The following FOXP2 variants were observed in gnomAD, a reference collection of about 807,000 sequenced individuals.
FOXP2 encodes forkhead box P2, also known as forkhead box protein P2.
In FOXP2, 12 loss-of-function variants were observed where a neutral mutation model predicts 115.8. That is an observed-to-expected ratio of 0.10 (90% confidence interval 0.07 to 0.17). FOXP2 has a LOEUF of 0.17. FOXP2 is among the 10% of genes least tolerant of loss of function. The pLI is 1.00. For missense variants in FOXP2, 629 were observed against 843.5 expected, an observed-to-expected ratio of 0.75 and a Z score of 3.15; for synonymous variants, 328 against 297.7, an observed-to-expected ratio of 1.10 and a Z score of -1.05.
intron 1 of FOXP2, among the ~76,000 whole-genome samples, chr7:114,099,217 C>T (rs1163978779): frequency 1.3e-5 from 2 of 152,010 alleles, no homozygotes; most frequent in East Asian, 1.9e-4. Flanking sequence ...TAACAAGACC[C>T]GAATAGACAT....
At chr7:114,453,423 G>A in intron 2 of FOXP2, among the ~76,000 whole-genome samples, 1 of 151,878 alleles carries the variant, frequency 6.6e-6, no homozygotes, top group South Asian at 2.1e-4. Flanking sequence ...GTACATTGTA[G>A]GTGTTTCCAT....
chr7:114,452,281 C>T (rs1201257975), intron 2 of FOXP2, among the ~76,000 whole-genome samples: 1 of 151,850 alleles, frequency 6.6e-6, no homozygotes, highest in African/African-American at 2.4e-5. Context: ...GACAGTGAGC[C>T]ACTGGTTCAA....
At chr7:114,475,962 A>G (rs945400956) in intron 2 of FOXP2, among the ~76,000 whole-genome samples, 4 of 151,982 alleles carry the variant, frequency 2.6e-5, no homozygotes, top group Admixed American at 6.6e-5. Context: ...AAACATATAC[A>G]TGTACCCCCT....
In FOXP2 at chr7:114,350,830, G is replaced by A. The variant is rs183045236; in HGVS notation, c.-11+62721G>A. Among the ~76,000 whole-genome samples, 7 of 151,882 alleles carry A rather than the reference G, an allele frequency of 4.6e-5. No homozygotes were observed. The East Asian group carries it at 1.4e-3, about 29-fold the overall frequency. ...ACAATTGACCTTCAGTATCCATGGG[G>A]GCTTAGTTCAAAGACTCCCTCACAT... On this transcript the variant is annotated intron_variant, in intron 2 of 17. Transcript: ENST00000634411.
intron 3 of FOXP2, among the ~76,000 whole-genome samples, chr7:114,556,837 T>C (rs1800481623): frequency 6.6e-6 from 1 of 152,186 alleles, no homozygotes; most frequent in African/African-American, 2.4e-5. Context: ...CTTAAAAGTA[T>C]ATCTCTATAA....
In FOXP2 at chr7:114,570,985, A is replaced by T; in HGVS notation, c.258+36279A>T. The T allele has an allele frequency of 2.2e-6, 2 of 924,130 alleles. 1 individual carries two copies. The allele number at this position is 924,130 out of a possible 1,614,324, so 57.2% of individuals were successfully genotyped here. ...TGATTTTCTATAGCCAATCCCTTCCATTGGTGCAGATAATCAAGATACAAA... is the reference window on the plus strand; with the variant it reads ...TGATTTTCTATAGCCAATCCCTTCCTTTGGTGCAGATAATCAAGATACAAA... On this transcript the variant is annotated intron_variant, in intron 3 of 16. Transcript: ENST00000350908.
At chr7:114,115,444 T>C (rs1203122600) in intron 1 of FOXP2, among the ~76,000 whole-genome samples, 1 of 152,158 alleles carries the variant, frequency 6.6e-6, no homozygotes, top group Non-Finnish European at 1.5e-5. Flanking sequence ...ATCAGAGTTG[T>C]ACAGTACATG....
rs890144411 is a variant in FOXP2, at chr7:114,493,007, G to T, written c.169-41610G>T. ...TTGATCTGTCTAAGGTTGACAGTGGGATGTTAAAGTCTCCCATTATTATTG... is the reference window on the plus strand; with the variant it reads ...TTGATCTGTCTAAGGTTGACAGTGGTATGTTAAAGTCTCCCATTATTATTG... On this transcript the variant is annotated intron_variant, in intron 2 of 16. Transcript: ENST00000350908. Among the ~76,000 whole-genome samples, 65 of 152,086 alleles carry T rather than the reference G, an allele frequency of 4.3e-4. 1 individual carries two copies. The highest frequency in any genetic ancestry group is 2.2e-4 in the Non-Finnish European group (15 of 68,018).
At chr7:114,445,232 G>T (rs1794781780) in intron 2 of FOXP2, among the ~76,000 whole-genome samples, 1 of 152,084 alleles carries the variant, frequency 6.6e-6, no homozygotes, top group Non-Finnish European at 1.5e-5. Flanking sequence ...TGTTAACTAA[G>T]GCAAGCCCTT....
rs552849054 is a variant in FOXP2, at chr7:114,282,685, C to T, written c.-101-5334C>T. Among the ~76,000 whole-genome samples the T allele has an allele frequency of 2.0e-5, 3 of 152,280 alleles. No homozygotes were observed. The South Asian group carries it at 6.2e-4, about 32-fold the overall frequency. On this transcript the variant is annotated intron_variant, in intron 1 of 17. Transcript: ENST00000634411. ...TTAATAAATAAATTAAACAGACAAACATCCATGTCCTTGTGGAGTTTAAAC... is the reference window on the plus strand; with the variant it reads ...TTAATAAATAAATTAAACAGACAAATATCCATGTCCTTGTGGAGTTTAAAC...
intron 2 of FOXP2, among the ~76,000 whole-genome samples, chr7:114,335,471 T>C (rs1463549658): frequency 6.6e-6 from 1 of 151,894 alleles, no homozygotes; most frequent in Non-Finnish European, 1.5e-5. Flanking sequence ...CTTGAGTTGC[T>C]TTACAAACTA....
intron 16 of FOXP2, among the ~76,000 whole-genome samples, chr7:114,688,845 T>C (rs1056478963): frequency 1.3e-5 from 2 of 152,180 alleles, no homozygotes; most frequent in Non-Finnish European, 2.9e-5. Context: ...TGAAGTTGAT[T>C]AATGGCAAAG....
intron 1 of FOXP2, among the ~76,000 whole-genome samples, chr7:114,230,265 G>A (rs1433890342): frequency 3.3e-5 from 5 of 151,852 alleles, no homozygotes; most frequent in Admixed American, 1.3e-4. Flanking sequence ...AAGTCCAGAC[G>A]GTTTCACTGG....
At chr7:114,334,937 A>C (rs112545257) in intron 2 of FOXP2, among the ~76,000 whole-genome samples, 8 of 142,076 alleles carry the variant, frequency 5.6e-5, no homozygotes, top group East Asian at 2.1e-4. Context: ...AAATCTATAT[A>C]TATATATATA....
intron 2 of FOXP2, among the ~76,000 whole-genome samples, chr7:114,530,311 G>A (rs1799081082): frequency 6.6e-6 from 1 of 151,834 alleles, no homozygotes; most frequent in Admixed American, 6.6e-5. Context: ...GCTTCTGAGT[G>A]CTTTGTTATT....
chr7:114,453,854 T>C (rs945484238), intron 2 of FOXP2, among the ~76,000 whole-genome samples: 8 of 151,996 alleles, frequency 5.3e-5, no homozygotes, highest in African/African-American at 1.4e-4. Flanking sequence ...TTACACCTTA[T>C]ACAAAAATCA....
chr7:114,554,487 A>C (rs1800363004), intron 3 of FOXP2, among the ~76,000 whole-genome samples: 1 of 152,182 alleles, frequency 6.6e-6, no homozygotes, highest in South Asian at 2.1e-4. Context: ...ACACAGTTCT[A>C]AAATTTGACA....
intron 14 of FOXP2, 25 bp from the exon 15 acceptor site, chr7:114,663,425 G>T (rs1255539264): frequency 1.4e-6 from 2 of 1,458,236 alleles, no homozygotes; most frequent in South Asian, 1.1e-5. Context: ...ACGTATAAAT[G>T]ATCTTTATAT....
intron 2 of FOXP2, among the ~76,000 whole-genome samples, chr7:114,406,885 A>G (rs746739515): frequency 2.6e-5 from 4 of 151,916 alleles, no homozygotes; most frequent in Non-Finnish European, 5.9e-5. Flanking sequence ...GGTAATTTAG[A>G]CTAACATTGC....
Sources: allele counts gnomAD v4.1 joint callset (sites outside exome capture counted in the v4.1 genomes callset), GRCh38; gene constraint gnomAD v4.1.1; transcripts MANE v1.5; gene names NCBI Gene and HGNC (gene_info 2026-07-23, HGNC 2026-07-21).